Variants in FSIP1 observed in about 807,000 individuals in gnomAD.
The protein encoded by FSIP1 is fibrous sheath-interacting protein 1.
A neutral mutation model predicts 60.9 loss-of-function variants in FSIP1; 65 were observed. That is an observed-to-expected ratio of 1.07 (90% confidence interval 0.87 to 1.31). The LOEUF is 1.31. FSIP1 is among the 40% of genes most tolerant of loss of function. The probability of loss-of-function intolerance (pLI) is 0.00; values close to 1 mark genes in which losing one functional copy is unlikely to be tolerated. For synonymous variants in FSIP1, 209 were observed against 221.2 expected (o/e 0.94, Z 0.49); for missense variants, 675 against 665.5 (o/e 1.01, Z -0.16).
chr15:39,721,892 T>TA (rs1232981794), intron 9 of FSIP1, among the ~76,000 whole-genome samples: 2 of 152,082 alleles, frequency 1.3e-5, no homozygotes, highest in African/African-American at 2.4e-5. Context: ...AAATGTTGGC[T>TA]AAAAAAAATC....
chr15:39,599,725 G>A (rs772321350), downstream of FSIP1, among the ~76,000 whole-genome samples: 7 of 152,120 alleles, frequency 4.6e-5, no homozygotes, highest in Non-Finnish European at 7.3e-5. Flanking sequence ...AAAACACAGA[G>A]TGTGCCTCAT....
Position 39,676,102 on chromosome 15 carries a change from G to A in FSIP1, c.1188+37342C>T, listed in dbSNP as rs149243448. 4.9e-3 allele frequency among the ~76,000 whole-genome samples: 744 copies of A among 151,614 alleles called. 9 individuals carry two copies. The highest frequency in any genetic ancestry group is 0.017 in the African/African-American group (684 of 41,304). On this transcript the variant is annotated intron_variant, in intron 10 of 11. Transcript: ENST00000350221. ...GCAGAAGAATGGCGTGAACCCGGAA[G>A]GCGGAGGTTGCAGTGAGCCAAAATC...
intron 10 of FSIP1, among the ~76,000 whole-genome samples, chr15:39,643,267 G>A (rs1892453473): frequency 6.6e-6 from 1 of 152,236 alleles, no homozygotes; most frequent in Admixed American, 6.5e-5. Flanking sequence ...TTTAAAAGAT[G>A]AGTAGACAAG....
At chr15:39,633,367 T>C (rs8032289) in intron 10 of FSIP1, among the ~76,000 whole-genome samples, 29,443 of 152,008 alleles carry the variant, frequency 0.19, 3,637 homozygotes, top group African/African-American at 0.33. Flanking sequence ...GGATTACAGG[T>C]GTGAGCCACT....
chr15:39,650,191 T>TA (rs1157393947), intron 10 of FSIP1, among the ~76,000 whole-genome samples: 1 of 152,256 alleles, frequency 6.6e-6, no homozygotes, highest in African/African-American at 2.4e-5. Flanking sequence ...GAGGCTTTAA[T>TA]AAGCTACCAT....
At position 39,738,220 on chromosome 15, in the gene FSIP1, GA is replaced by G; in HGVS notation, c.781-20del. 2 of 1,496,814 alleles carry G rather than the reference GA, an allele frequency of 1.3e-6. No individual in the cohort carries two copies. The highest frequency in any genetic ancestry group is 9.2e-7 in the Non-Finnish European group (1 of 1,084,022). The allele number at this position is 1,496,814 out of a possible 1,614,324, so 92.7% of individuals were successfully genotyped here. ...TGGCCAACTACAGAATTTATTAATG[GA>G]AAATATCATATACTCAAGGAAATTC... On this transcript the variant is annotated intron_variant, in intron 7 of 11. Coordinates refer to ENST00000350221, the MANE Select transcript of FSIP1 (RefSeq NM_152597.5).
At chr15:39,633,594 C>G (rs1291266350) in intron 10 of FSIP1, among the ~76,000 whole-genome samples, 1 of 152,118 alleles carries the variant, frequency 6.6e-6, no homozygotes, top group African/African-American at 2.4e-5. Flanking sequence ...AACTTCTACA[C>G]TAAAACTTGC....
intron 8 of FSIP1, among the ~76,000 whole-genome samples, chr15:39,735,949 G>A (rs1272711990): frequency 1.3e-5 from 2 of 152,116 alleles, no homozygotes; most frequent in Non-Finnish European, 2.9e-5. Flanking sequence ...GTCTTCAAGG[G>A]CAGTAACACG....
intron 5 of FSIP1, among the ~76,000 whole-genome samples, chr15:39,744,404 A>C (rs746438717): frequency 7.9e-5 from 12 of 152,184 alleles, no homozygotes; most frequent in Non-Finnish European, 1.8e-4. Context: ...GCTTCCTGCC[A>C]CCCATGGAAG....
At chr15:39,655,699 C>A (rs1300047336) in intron 10 of FSIP1, among the ~76,000 whole-genome samples, 2 of 152,172 alleles carry the variant, frequency 1.3e-5, no homozygotes, top group Non-Finnish European at 2.9e-5. Context: ...TTTTTATGAA[C>A]CAACCTAGAG....
chr15:39,686,790 C>T (rs982974035), intron 10 of FSIP1, among the ~76,000 whole-genome samples: 3 of 152,214 alleles, frequency 2.0e-5, no homozygotes, highest in African/African-American at 4.8e-5. Context: ...TAGCAAATTC[C>T]TCAAGACTTG....
intron 10 of FSIP1, among the ~76,000 whole-genome samples, chr15:39,662,605 C>T (rs1221299366): frequency 3.3e-5 from 5 of 151,978 alleles, no homozygotes; most frequent in African/African-American, 1.2e-4. Flanking sequence ...TAGCCTTCCA[C>T]ACTCAACAGT....
intron 9 of FSIP1, among the ~76,000 whole-genome samples, chr15:39,717,154 C>T (rs1895774483): frequency 6.6e-6 from 1 of 151,934 alleles, no homozygotes; most frequent in African/African-American, 2.4e-5. Context: ...ATCATGTGAT[C>T]CAAAAATTCA....
intron 9 of FSIP1, among the ~76,000 whole-genome samples, chr15:39,720,917 C>T (rs1895938113): frequency 6.6e-6 from 1 of 152,182 alleles, no homozygotes; most frequent in Non-Finnish European, 1.5e-5. Context: ...AAACTGCAAC[C>T]ACATATTATT....
At chr15:39,751,565 C>T (rs926598189) in intron 5 of FSIP1, among the ~76,000 whole-genome samples, 4 of 150,926 alleles carry the variant, frequency 2.7e-5, no homozygotes, top group Non-Finnish European at 5.9e-5. Context: ...AGAAAAATAC[C>T]GCATGATCAT....
At chr15:39,620,757 A>AATATAT (rs35811726) in intron 10 of FSIP1, among the ~76,000 whole-genome samples, 1,955 of 144,578 alleles carry the variant, frequency 0.014, 42 homozygotes, top group African/African-American at 0.042. Context: ...ACACCTGGCT[A>AATATAT]ATATATATAT....
Position 39,633,246 on chromosome 15 carries a change from C to T in FSIP1, c.1189-15001G>A, listed in dbSNP as rs191451829. Among the ~76,000 whole-genome samples, 6 of 152,014 alleles carry T rather than the reference C, an allele frequency of 3.9e-5. No individual in the cohort carries two copies. In the East Asian group the frequency reaches 7.7e-4, roughly 20 times the overall value. On this transcript the variant is annotated intron_variant, in intron 10 of 11. Coordinates refer to ENST00000350221, the MANE Select transcript of FSIP1 (RefSeq NM_152597.5). ...CTGGGACTATAGGCACGCACCATTG[C>T]GTCCAGCTAATTTTTGTATTTTTAG...
intron 10 of FSIP1, among the ~76,000 whole-genome samples, chr15:39,697,602 C>T (rs751989386): frequency 2.6e-5 from 4 of 152,180 alleles, no homozygotes; most frequent in Non-Finnish European, 4.4e-5. Flanking sequence ...TTCCCAAATT[C>T]GTCTTCGCTC....
In FSIP1 at chr15:39,648,075, G is replaced by A. The variant is rs541734174; in HGVS notation, c.1189-29830C>T. 5.9e-5 allele frequency among the ~76,000 whole-genome samples: 9 copies of A among 151,414 alleles called. No homozygotes were observed. The East Asian group carries it at 7.8e-4, about 13-fold the overall frequency. On this transcript the variant is annotated intron_variant, in intron 10 of 11. Transcript: ENST00000350221. ...GGAGATATACCTAAGGCTAGATGAC[G>A]AGTTAGTGGGTGCAGCGCACAAGCA...
Sources: gnomAD v4.1 joint callset for allele counts (sites outside exome capture counted in the v4.1 genomes callset) on GRCh38, gnomAD v4.1.1 for gene constraint, MANE v1.5 for transcripts, NCBI Gene and HGNC (gene_info 2026-07-23, HGNC 2026-07-21) for gene names.